The following ST8SIA1 variants were observed in gnomAD, a reference collection of about 807,000 sequenced individuals.
ST8SIA1 encodes the protein ST8 alpha-N-acetyl-neuraminide alpha-2,8-sialyltransferase 1.
In ST8SIA1, 16 loss-of-function variants were observed where a neutral mutation model predicts 35.9. The ratio of observed to expected loss-of-function variants is 0.45; its 90% CI spans 0.30 to 0.68. The LOEUF is 0.68. ST8SIA1 is among the 30% of genes least tolerant of loss of function. The pLI, the probability that ST8SIA1 is intolerant of heterozygous loss-of-function variation, is 0.09. For missense variants in ST8SIA1, 383 were observed against 453.6 expected, an observed-to-expected ratio of 0.84 and a Z score of 1.41; for synonymous variants, 170 against 169.6, an observed-to-expected ratio of 1.00 and a Z score of -0.02.
chr12:22,311,543 A>G (rs571850015), intron 1 of ST8SIA1, among the ~76,000 whole-genome samples: 11 of 152,256 alleles, frequency 7.2e-5, no homozygotes, highest in African/African-American at 2.2e-4. Flanking sequence ...AGGTTTTCAT[A>G]GTTTATTTTA....
chr12:22,225,299 TTTAAG>T (rs1165768874), intron 4 of ST8SIA1, among the ~76,000 whole-genome samples: 1 of 152,142 alleles, frequency 6.6e-6, no homozygotes, highest in Non-Finnish European at 1.5e-5. Flanking sequence ...CTGATGAAGA[TTTAAG>T]TTATTTTGTG....
intron 1 of ST8SIA1, among the ~76,000 whole-genome samples, chr12:22,301,996 G>C (rs1465821782): frequency 2.6e-5 from 4 of 152,080 alleles, no homozygotes; most frequent in Non-Finnish European, 5.9e-5. Context: ...TATTCTTGCT[G>C]TACTTTATAC....
At chr12:22,322,528 C>G (rs969254622) in intron 1 of ST8SIA1, among the ~76,000 whole-genome samples, 1 of 152,202 alleles carries the variant, frequency 6.6e-6, no homozygotes, top group African/African-American at 2.4e-5. Flanking sequence ...TTCAGATAAT[C>G]TGATGTTTTT....
chr12:22,295,770 A>T (rs751739802), intron 1 of ST8SIA1, among the ~76,000 whole-genome samples: 1 of 152,330 alleles, frequency 6.6e-6, no homozygotes, highest in South Asian at 2.1e-4. Flanking sequence ...GATTTTGTAT[A>T]AGGCTGAACA....
rs763034819 is a variant in ST8SIA1, at chr12:22,199,149, T to TC, written c.*2402_*2403insG. On this transcript the variant is annotated 3_prime_UTR_variant, in exon 5 of 5. Transcript: ENST00000396037. Reference sequence around the variant, plus strand: ...AAATTTCCACATAATATTTTCTTTCTTTTTCTTTTCTTTTTTTTTTTTTTG... The same window carrying TC: ...AAATTTCCACATAATATTTTCTTTCTCTTTTCTTTTCTTTTTTTTTTTTTTG... 2.1e-3 allele frequency: 252 copies of TC among 119,626 alleles called. No individual in the cohort carries two copies. The highest frequency in any genetic ancestry group is 6.9e-3 in the African/African-American group (230 of 33,230). 7.4% of individuals were successfully genotyped at this position (119,626 alleles called of 1,614,324 possible). A position where few individuals can be genotyped will look rare whatever the true frequency, so the allele number is the denominator to read the frequency against.
At chr12:22,313,943 T>C (rs1866483819) in intron 1 of ST8SIA1, among the ~76,000 whole-genome samples, 1 of 152,030 alleles carries the variant, frequency 6.6e-6, no homozygotes, top group African/African-American at 2.4e-5. Context: ...TTGGTTGCAT[T>C]TGTTCCATGT....
intron 4 of ST8SIA1, among the ~76,000 whole-genome samples, chr12:22,225,027 T>C (rs1469525490): frequency 6.6e-6 from 1 of 152,102 alleles, no homozygotes; most frequent in African/African-American, 2.4e-5. Context: ...GAGGCAGAGA[T>C]GGAGTGCTGA....
chr12:22,323,364 A>G (rs1866628562), intron 1 of ST8SIA1, among the ~76,000 whole-genome samples: 1 of 152,228 alleles, frequency 6.6e-6, no homozygotes, highest in Non-Finnish European at 1.5e-5. Flanking sequence ...TTCTATGAAC[A>G]ATCAAAGATG....
At chr12:22,248,651 T>C (rs557315245) in intron 4 of ST8SIA1, among the ~76,000 whole-genome samples, 1 of 152,366 alleles carries the variant, frequency 6.6e-6, no homozygotes, top group South Asian at 2.1e-4. Context: ...TTATTCTTGA[T>C]ATTAATTCAG....
rs1782471327 is a variant in ST8SIA1 at position 22,193,613 on chromosome 12, T to C, written c.*7939A>G. 1 of 152,204 alleles carries C rather than the reference T, an allele frequency of 6.6e-6. No homozygotes were observed. The highest frequency in any genetic ancestry group is 2.4e-5 in the African/African-American group (1 of 41,454). The allele number at this position is 152,204 out of a possible 1,614,324, so 9.4% of individuals were successfully genotyped here. A position where few individuals can be genotyped will look rare whatever the true frequency, so the allele number is the denominator to read the frequency against. On this transcript the variant is annotated 3_prime_UTR_variant, in exon 5 of 5. Transcript: ENST00000396037. The stretch of plus-strand genomic sequence containing the variant: ...GAACCAACAGAGATAGATACTAATT[T>C]TTCTAATCACACCGTAGAAAGTACC...
rs1865007480 is a variant in ST8SIA1, at chr12:22,197,931, A to C, written c.*3621T>G. On this transcript the variant is annotated 3_prime_UTR_variant, in exon 5 of 5. Transcript: ENST00000396037. The stretch of plus-strand genomic sequence containing the variant: ...GAGAATTATGCAGTTTAGATGTGCA[A>C]TTTTGTATAAACTTTTGGCAAAATC... 6.6e-6 allele frequency: 1 copy of C among 152,154 alleles called. No individual in the cohort carries two copies. Among genetic ancestry groups the C allele is most frequent in the Non-Finnish European group, 1.5e-5 (1 of 68,016 alleles). 9.4% of individuals were successfully genotyped at this position (152,154 alleles called of 1,614,324 possible).
intron 2 of ST8SIA1, among the ~76,000 whole-genome samples, chr12:22,257,288 T>G (rs190500864): frequency 4.1e-4 from 62 of 151,898 alleles, no homozygotes; most frequent in Non-Finnish European, 6.6e-4. Flanking sequence ...CTCGGCTCAC[T>G]GCAACTCCCA....
chr12:22,327,962 T>C (rs73089233), intron 1 of ST8SIA1, among the ~76,000 whole-genome samples: 2,925 of 152,364 alleles, frequency 0.019, 48 homozygotes, highest in Middle Eastern at 0.051. Flanking sequence ...GTTTTGTTTC[T>C]GCAAATCAAT....
intron 2 of ST8SIA1, among the ~76,000 whole-genome samples, chr12:22,261,237 T>C (rs1865787723): frequency 6.6e-6 from 1 of 152,112 alleles, no homozygotes; most frequent in Non-Finnish European, 1.5e-5. Flanking sequence ...CTGAGCCTCC[T>C]GGGTTCAAGC....
rs1865036838 is a variant in ST8SIA1, at chr12:22,200,413, T to C, written c.*1139A>G. On this transcript the variant is annotated 3_prime_UTR_variant, in exon 5 of 5. Coordinates refer to ENST00000396037, the MANE Select transcript of ST8SIA1 (RefSeq NM_003034.4). Reference sequence around the variant, plus strand: ...CTTTGTTTAACTTTGTGTGTGTGTATGTGTGTCTACATGTATGCATACATG... The same window carrying C: ...CTTTGTTTAACTTTGTGTGTGTGTACGTGTGTCTACATGTATGCATACATG... The C allele has an allele frequency of 2.6e-5, 4 of 152,240 alleles. No homozygotes were observed. In the South Asian group the frequency reaches 8.3e-4, roughly 31 times the overall value. The allele number at this position is 152,240 out of a possible 1,614,324, so 9.4% of individuals were successfully genotyped here. A position where few individuals can be genotyped will look rare whatever the true frequency, so the allele number is the denominator to read the frequency against.
chr12:22,284,993 T>C (rs1303284697), intron 2 of ST8SIA1, among the ~76,000 whole-genome samples: 2 of 152,234 alleles, frequency 1.3e-5, no homozygotes, highest in Admixed American at 6.5e-5. Flanking sequence ...TTAAAGGAGA[T>C]TGCTTCCTTA....
chr12:22,303,742 G>A (rs905403631), intron 1 of ST8SIA1, among the ~76,000 whole-genome samples: 1 of 151,314 alleles, frequency 6.6e-6, no homozygotes, highest in Non-Finnish European at 1.5e-5. Context: ...CATTGGGTTT[G>A]ATCAACTCCA....
chr12:22,273,287 C>T (rs2135807610), intron 2 of ST8SIA1, among the ~76,000 whole-genome samples: 1 of 152,288 alleles, frequency 6.6e-6, no homozygotes, highest in East Asian at 1.9e-4. Flanking sequence ...TTCATATACC[C>T]ACACTTTCCT....
At chr12:22,317,488 A>G (rs1031724738) in intron 1 of ST8SIA1, among the ~76,000 whole-genome samples, 16 of 152,184 alleles carry the variant, frequency 1.1e-4, no homozygotes, top group African/African-American at 3.9e-4. Flanking sequence ...ATCGGAAGCT[A>G]AAGGATACGC....
Sources: gnomAD v4.1 joint callset for allele counts (sites outside exome capture counted in the v4.1 genomes callset) on GRCh38, gnomAD v4.1.1 for gene constraint, MANE v1.5 for transcripts, NCBI Gene and HGNC (gene_info 2026-07-23, HGNC 2026-07-21) for gene names.